ARHGEF12: variants seen among roughly 807,000 people sequenced by gnomAD.
ARHGEF12 encodes the protein Rho guanine nucleotide exchange factor 12, also known as KMT2A/ARHGEF12 fusion protein.
In ARHGEF12, 66 loss-of-function variants were observed where a neutral mutation model predicts 211.2. The ratio of observed to expected loss-of-function variants is 0.31; its 90% CI spans 0.26 to 0.38. ARHGEF12 has a LOEUF of 0.38. Among genes scored for constraint, ARHGEF12 ranks in the 10% least tolerant of loss-of-function variants. The pLI is 1.00. For synonymous variants in ARHGEF12, 592 were observed against 638.4 expected (o/e 0.93, Z 1.09); for missense variants, 1,429 against 1,869.5 (o/e 0.76, Z 4.34).
intron 1 of ARHGEF12, among the ~76,000 whole-genome samples, chr11:120,358,471 G>T (rs1348465717): frequency 4.6e-5 from 7 of 152,062 alleles, no homozygotes; most frequent in African/African-American, 1.2e-4. Context: ...ATGGAGAAGA[G>T]AACAGACATA....
intron 30 of ARHGEF12, among the ~76,000 whole-genome samples, 174 bp downstream of exon 30, chr11:120,469,562 G>C (rs926409428): frequency 1.3e-5 from 2 of 152,202 alleles, no homozygotes; most frequent in Non-Finnish European, 2.9e-5. Flanking sequence ...GAATATCGGA[G>C]TTGTATTTGA....
At chr11:120,409,572 G>C (rs1944820556) in intron 4 of ARHGEF12, 122 bp downstream of exon 4, 1 of 979,970 alleles carries the variant, frequency 1.0e-6, no homozygotes, top group Non-Finnish European at 1.5e-6. Flanking sequence ...TGTGTCTGCT[G>C]TGCATGGCAT....
intron 29 of ARHGEF12, among the ~76,000 whole-genome samples, chr11:120,468,752 C>T (rs760179022): frequency 7.2e-5 from 11 of 152,252 alleles, no homozygotes; most frequent in Middle Eastern, 3.4e-3. Flanking sequence ...TGCCTTGCCG[C>T]CTCAATACGT....
intron 1 of ARHGEF12, among the ~76,000 whole-genome samples, chr11:120,362,828 C>T (rs1360720248): frequency 6.6e-6 from 1 of 152,182 alleles, no homozygotes; most frequent in African/African-American, 2.4e-5. Flanking sequence ...CAGCCAGGCG[C>T]AGTGGCTCAT....
intron 1 of ARHGEF12, among the ~76,000 whole-genome samples, chr11:120,379,156 G>A (rs1409889567): frequency 6.6e-6 from 1 of 151,858 alleles, no homozygotes; most frequent in Non-Finnish European, 1.5e-5. Flanking sequence ...CAGCATACAG[G>A]GTTTGCACAT....
chr11:120,449,709 C>T (rs1365944825), intron 21 of ARHGEF12: 1 of 136,138 alleles, frequency 7.3e-6, no homozygotes, highest in Non-Finnish European at 1.6e-5. Flanking sequence ...CTCAATAAAA[C>T]AAAAAGAAAA....
At chr11:120,445,521 G>A (rs1946017669) in intron 16 of ARHGEF12, 57 bp downstream of exon 16, 2 of 1,537,654 alleles carry the variant, frequency 1.3e-6, no homozygotes, top group Middle Eastern at 1.7e-4. Flanking sequence ...ATGTAGCTCA[G>A]CTCATCTGTT....
intron 11 of ARHGEF12, among the ~76,000 whole-genome samples, chr11:120,437,036 A>T (rs532612439): frequency 1.3e-5 from 2 of 152,158 alleles, no homozygotes; most frequent in Non-Finnish European, 2.9e-5. Context: ...ATATCTAATT[A>T]TTTGGTAGAA....
At chr11:120,457,467 TG>T (rs1946397209) in intron 23 of ARHGEF12, 2 of 453,854 alleles carry the variant, frequency 4.4e-6, no homozygotes, top group Non-Finnish European at 7.4e-6. Flanking sequence ...CACTTCAAAC[TG>T]TAAAAAATAA....
At position 120,487,183 on chromosome 11, in the gene ARHGEF12, C is replaced by T. The variant is rs1020091358; in HGVS notation, c.*2106C>T. On this transcript the variant is annotated 3_prime_UTR_variant, in exon 41 of 41. Transcript: ENST00000397843. Reference sequence around the variant, plus strand: ...AGGGTAATTATGTAATTCTCTAGCACTCAATTAAGAAGCTTGTAGGTTAGC... The same window carrying T: ...AGGGTAATTATGTAATTCTCTAGCATTCAATTAAGAAGCTTGTAGGTTAGC... The T allele has an allele frequency of 4.6e-6, 1 of 218,540 alleles. No individual in the cohort carries two copies. The highest frequency in any genetic ancestry group is 9.2e-6 in the Non-Finnish European group (1 of 108,872). The allele number at this position is 218,540 out of a possible 1,614,324, so 13.5% of individuals were successfully genotyped here.
At chr11:120,402,743 C>T (rs1158185297) in intron 1 of ARHGEF12, among the ~76,000 whole-genome samples, 1 of 152,172 alleles carries the variant, frequency 6.6e-6, no homozygotes, top group Non-Finnish European at 1.5e-5. Context: ...GGCTTCAGAA[C>T]ACTTCTCACT....
chr11:120,473,214 C>A, intron 31 of ARHGEF12, 87 bp downstream of exon 31: 1 of 1,179,624 alleles, frequency 8.5e-7, no homozygotes, highest in Non-Finnish European at 1.2e-6. Flanking sequence ...TGGGAATATA[C>A]GTCACCTGAA....
At chr11:120,476,596 TA>T (rs1166165944) in intron 33 of ARHGEF12, 64 bp from the exon 34 acceptor site, 15 of 1,243,026 alleles carry the variant, frequency 1.2e-5, no homozygotes, top group Non-Finnish European at 1.7e-5. Flanking sequence ...TTCAAGACCC[TA>T]AAAACATCCC....
At chr11:120,471,245 G>C (rs1946855929) in intron 30 of ARHGEF12, among the ~76,000 whole-genome samples, 1 of 152,052 alleles carries the variant, frequency 6.6e-6, no homozygotes, top group Non-Finnish European at 1.5e-5. Context: ...AACCAACTGT[G>C]GTATAGTTAT....
At chr11:120,451,760 C>G (rs766670162) in intron 22 of ARHGEF12, 36 bp downstream of exon 22, 12 of 1,571,622 alleles carry the variant, frequency 7.6e-6, no homozygotes, top group South Asian at 3.4e-5. Context: ...AACTAAGCAT[C>G]AAGATTTTAA....
At position 120,392,243 on chromosome 11, in the gene ARHGEF12, A is replaced by G. The variant is rs147887679; in HGVS notation, c.33-13875A>G. The stretch of plus-strand genomic sequence containing the variant: ...CTTTACCTGTAATTCTGTGGCCCAC[A>G]TCTTCCCATGGCTGGCTCCTTCATT... On this transcript the variant is annotated intron_variant, in intron 1 of 40. Coordinates refer to ENST00000397843, the MANE Select transcript of ARHGEF12 (RefSeq NM_015313.3). 2.6e-3 allele frequency among the ~76,000 whole-genome samples: 397 copies of G among 152,304 alleles called. 5 individuals carry two copies. The highest frequency in any genetic ancestry group is 0.02 in the Admixed American group (303 of 15,286).
intron 39 of ARHGEF12, among the ~76,000 whole-genome samples, chr11:120,484,093 C>T (rs998870038): frequency 3.3e-5 from 5 of 152,156 alleles, no homozygotes; most frequent in Non-Finnish European, 4.4e-5. Context: ...GTATGCAGGC[C>T]GCCATGTCTT....
chr11:120,442,043 T>G, intron 14 of ARHGEF12, 61 bp from the exon 15 acceptor site: 2 of 1,257,818 alleles, frequency 1.6e-6, no homozygotes, highest in South Asian at 1.4e-5. Flanking sequence ...AATGGTGACC[T>G]AGCAAATTAC....
At chr11:120,400,796 C>G (rs890995630) in intron 1 of ARHGEF12, among the ~76,000 whole-genome samples, 1 of 152,122 alleles carries the variant, frequency 6.6e-6, no homozygotes. Context: ...AGAGCCTAAC[C>G]AAGGGGCTGT....
Sources: gnomAD v4.1 joint callset for allele counts (sites outside exome capture counted in the v4.1 genomes callset) on GRCh38, gnomAD v4.1.1 for gene constraint, MANE v1.5 for transcripts, NCBI Gene and HGNC (gene_info 2026-07-23, HGNC 2026-07-21) for gene names.